AHCTF1: variants seen among roughly 807,000 people sequenced by gnomAD.
AHCTF1 encodes the protein protein ELYS.
Under a neutral mutation model 248.4 loss-of-function variants are expected in AHCTF1, and 24 were observed. The observed-to-expected ratio is 0.10, with a 90% CI of 0.07 to 0.14. The LOEUF is 0.14. Ranked by LOEUF, AHCTF1 falls within the 10% of genes least tolerant of loss-of-function variation. AHCTF1 has a pLI of 1.00. For synonymous variants in AHCTF1, 786 were observed against 929.8 expected (o/e 0.85, Z 2.81); for missense variants, 2,206 against 2,636.2 (o/e 0.84, Z 3.57).
chr1:246,869,103 C>T (rs1028492505), intron 24 of AHCTF1, among the ~76,000 whole-genome samples: 4 of 151,162 alleles, frequency 2.6e-5, no homozygotes, highest in South Asian at 2.1e-4. Flanking sequence ...CTTGGCCTCC[C>T]AAAGTGCTGG....
chr1:246,919,810 G>T (rs190307524), intron 1 of AHCTF1, among the ~76,000 whole-genome samples: 2 of 151,328 alleles, frequency 1.3e-5, no homozygotes, highest in East Asian at 3.9e-4. Context: ...GAATCTCAAA[G>T]AATTCTTAAA....
intron 1 of AHCTF1, among the ~76,000 whole-genome samples, chr1:246,924,782 G>A (rs1666817747): frequency 6.6e-6 from 1 of 152,046 alleles, no homozygotes; most frequent in Non-Finnish European, 1.5e-5. Flanking sequence ...AACCTAAAAA[G>A]TTATGTTTGA....
chr1:246,857,579 G>C lies in AHCTF1; in HGVS notation c.4256+112C>G, dbSNP rs1572371749. 4.5e-6 allele frequency: 5 copies of C among 1,121,558 alleles called. No homozygotes were observed. In the East Asian group the frequency reaches 1.3e-4, roughly 29 times the overall value. 69.5% of individuals were successfully genotyped at this position (1,121,558 alleles called of 1,614,324 possible). A position where few individuals can be genotyped will look rare whatever the true frequency, so the allele number is the denominator to read the frequency against. On this transcript the variant is annotated intron_variant, in intron 30 of 35. Transcript: ENST00000648844. ...TAAAACAGCCAACATTACCAAAATG[G>C]AGATGTTAAAGATCTAAGTGAAATC...
intron 31 of AHCTF1, among the ~76,000 whole-genome samples, chr1:246,854,092 G>C (rs1016936617): frequency 6.6e-6 from 1 of 152,110 alleles, no homozygotes; most frequent in Non-Finnish European, 1.5e-5. Flanking sequence ...GAGGTCAGGA[G>C]ATCGAGACCA....
At chr1:246,931,221 G>A in intron 1 of AHCTF1, 1 of 1,550,270 alleles carries the variant, frequency 6.5e-7, no homozygotes, top group African/African-American at 1.4e-5. Context: ...CCGCCAACGA[G>A]TCCATCGCGT....
At chr1:246,858,785 G>A (rs1661296272) in intron 29 of AHCTF1, among the ~76,000 whole-genome samples, 1 of 148,442 alleles carries the variant, frequency 6.7e-6, no homozygotes, top group Non-Finnish European at 1.5e-5. Flanking sequence ...GGCAACAAGA[G>A]CGAAACTCTG....
rs1663758992 is a variant in AHCTF1 at position 246,885,600 on chromosome 1, C to A, written c.2553G>T (p.Met851Ile). The A allele has an allele frequency of 6.2e-7, 1 of 1,612,540 alleles. No individual in the cohort carries two copies. The stretch of plus-strand genomic sequence containing the variant: ...GGGCTTGTCTGTGCTCGCCCTGACT[C>A]ATGAATGCCTGAATAATCTTTGAAT... ...WQHSKIIQAF[M>I]SQGEHRQALR... Residue 851 changes from methionine to isoleucine, a missense_variant, in exon 21 of 36, where the codon ATG (methionine) becomes ATT (isoleucine). Physicochemically the swap from Met to Ile is conservative, Grantham distance 10 (BLOSUM62 1). Around this residue, in one of 6 missense-constraint regions of AHCTF1, gnomAD observed 650 missense variants for 870.8 expected, o/e 0.75. Coordinates refer to ENST00000648844, the MANE Select transcript of AHCTF1 (RefSeq NM_001323342.2).
rs2103223877 is a variant in AHCTF1, at chr1:246,916,389, T to C, written c.128A>G (p.Asn43Ser). Reference sequence around the variant, plus strand: ...ACCACAAGCCAAGCAAGCAAGTCCATTTTTCCCTAGAAGAAAAAAAAATTG... The same window carrying C: ...ACCACAAGCCAAGCAAGCAAGTCCACTTTTCCCTAGAAGAAAAAAAAATTG... ...VLRGKFAAGKNGLACLACGPQ... is the reference protein window; with the variant it reads ...VLRGKFAAGKSGLACLACGPQ... Residue 43 changes from asparagine to serine, a missense_variant, in exon 3 of 36, where the codon AAT (asparagine) becomes AGT (serine). Physicochemically the swap from Asn to Ser is conservative, Grantham distance 46. Transcript: ENST00000648844. 6.2e-7 allele frequency: 1 copy of C among 1,600,874 alleles called. No homozygotes were observed. The highest frequency in any genetic ancestry group is 1.8e-5 in the Admixed American group (1 of 56,576).
At chr1:246,897,527 T>TA (rs1664671097) in intron 12 of AHCTF1, among the ~76,000 whole-genome samples, 1 of 152,190 alleles carries the variant, frequency 6.6e-6, no homozygotes, top group South Asian at 2.1e-4. Context: ...AGAGCGTACT[T>TA]ACACAAACTT....
At chr1:246,854,298 CAAAA>C (rs56086758) in intron 31 of AHCTF1, among the ~76,000 whole-genome samples, 5 of 113,492 alleles carry the variant, frequency 4.4e-5, no homozygotes, top group South Asian at 5.9e-4. Flanking sequence ...GACTCTGTTT[CAAAA>C]AAAAAAAAAA....
chr1:246,869,143 G>GTT (rs559985033), intron 24 of AHCTF1, among the ~76,000 whole-genome samples: 2,414 of 152,040 alleles, frequency 0.016, 22 homozygotes, highest in Non-Finnish European at 0.025. Flanking sequence ...ACGCCCGGCC[G>GTT]TGTGTTTTGT....
intron 1 of AHCTF1, among the ~76,000 whole-genome samples, chr1:246,922,427 T>C (rs528361259): frequency 3.4e-4 from 51 of 150,094 alleles, no homozygotes; most frequent in African/African-American, 1.2e-3. Context: ...TGCGGTTTTT[T>C]GGGTTGTTTT....
Position 246,903,922 on chromosome 1 carries a change from T to C in AHCTF1, c.966+27A>G, listed in dbSNP as rs1222202037. The C allele has an allele frequency of 2.6e-6, 4 of 1,521,744 alleles. No individual in the cohort carries two copies. In the South Asian group the frequency reaches 4.6e-5, roughly 17 times the overall value. The allele number at this position is 1,521,744 out of a possible 1,614,324, so 94.3% of individuals were successfully genotyped here. On this transcript the variant is annotated intron_variant, in intron 7 of 35. Coordinates refer to ENST00000648844, the MANE Select transcript of AHCTF1 (RefSeq NM_001323342.2). Reference sequence around the variant, plus strand: ...AATAGAAAACAACAAAATGGTAATATAAACCCATAGTCCAATGACCATTTA... The same window carrying C: ...AATAGAAAACAACAAAATGGTAATACAAACCCATAGTCCAATGACCATTTA...
rs533093844 is a variant in AHCTF1 at position 246,899,626 on chromosome 1, T to C, written c.1433-114A>G. ...CAAGGTGTCAAATTATTACATGTAA[T>C]AAATCTTTAAATAAACTTTTCTAGG... On this transcript the variant is annotated intron_variant, in intron 10 of 35. Coordinates refer to ENST00000648844, the MANE Select transcript of AHCTF1 (RefSeq NM_001323342.2). 2.0e-5 allele frequency: 13 copies of C among 660,152 alleles called. No individual in the cohort carries two copies. The African/African-American group carries it at 2.3e-4, about 12-fold the overall frequency. 40.9% of individuals were successfully genotyped at this position (660,152 alleles called of 1,614,324 possible).
intron 5 of AHCTF1, 139 bp from the exon 6 acceptor site, chr1:246,905,796 A>G (rs1375353899): frequency 4.7e-6 from 3 of 640,290 alleles, no homozygotes; most frequent in Non-Finnish European, 8.3e-6. Context: ...TGGCCAAGTC[A>G]TCTTATCTGC....
Position 246,900,178 on chromosome 1 carries a change from G to A in AHCTF1, c.1319C>T (p.Thr440Ile), listed in dbSNP as rs1190400273. The change falls in exon 10 of 36, where the codon ACT becomes ATT. Residue 440 changes from threonine to isoleucine, a missense_variant. By Grantham distance (89) the Thr-to-Ile change is moderately conservative (BLOSUM62 -1). This residue lies in a region of AHCTF1 where 650 missense variants were observed against 870.8 expected (regional missense o/e 0.75). Coordinates refer to ENST00000648844, the MANE Select transcript of AHCTF1 (RefSeq NM_001323342.2). Reference sequence around the variant, plus strand: ...TATATCCAAGATGCCATGTGGAGAAGTCCTACTTACAACAGACTCCAATGA... The same window carrying A: ...TATATCCAAGATGCCATGTGGAGAAATCCTACTTACAACAGACTCCAATGA... Reference protein sequence around the residue: ...LWSLESVVSRTSPHGILDILV... With the variant: ...LWSLESVVSRISPHGILDILV... 12 of 1,610,690 alleles carry A rather than the reference G, an allele frequency of 7.5e-6. No individual in the cohort carries two copies. The highest frequency in any genetic ancestry group is 1.0e-5 in the Non-Finnish European group (12 of 1,179,106).
At chr1:246,909,673 A>T (rs1361175522) in intron 4 of AHCTF1, among the ~76,000 whole-genome samples, 1 of 152,214 alleles carries the variant, frequency 6.6e-6, no homozygotes, top group East Asian at 1.9e-4. Flanking sequence ...GCTTCCTTTA[A>T]ATGAAGAGGT....
chr1:246,870,856 G>A (rs1662543162), intron 24 of AHCTF1, among the ~76,000 whole-genome samples: 2 of 152,008 alleles, frequency 1.3e-5, no homozygotes, highest in South Asian at 4.1e-4. Context: ...GCCGGATTCT[G>A]TCACATATAA....
chr1:246,854,177 T>C (rs1490255062), intron 31 of AHCTF1, among the ~76,000 whole-genome samples: 2 of 151,630 alleles, frequency 1.3e-5, no homozygotes, highest in African/African-American at 4.9e-5. Flanking sequence ...CGGGCACCTG[T>C]AGTCCCAGCT....
Sources: allele counts gnomAD v4.1 joint callset (sites outside exome capture counted in the v4.1 genomes callset), GRCh38; gene constraint gnomAD v4.1.1; regional missense constraint gnomAD v4.1.1; transcripts MANE v1.5; gene names NCBI Gene and HGNC (gene_info 2026-07-23, HGNC 2026-07-21).